TMEM132C: variants seen among roughly 807,000 people sequenced by gnomAD.
TMEM132C encodes the protein protein phosphatase 1, regulatory subunit 152.
Under a neutral mutation model 61.4 loss-of-function variants are expected in TMEM132C, and 29 were observed. The ratio of observed to expected loss-of-function variants is 0.47; its 90% CI spans 0.35 to 0.64. The LOEUF (loss-of-function observed/expected upper bound fraction) is 0.64, where lower values mean the gene tolerates loss of function less well. Among genes scored for constraint, TMEM132C ranks in the 30% least tolerant of loss-of-function variants. TMEM132C has a pLI of 0.00. For missense variants in TMEM132C, 1,408 were observed against 1,476.9 expected, an observed-to-expected ratio of 0.95 and a Z score of 0.76; for synonymous variants, 656 against 633.1, an observed-to-expected ratio of 1.04 and a Z score of -0.54.
chr12:128,366,188 CG>C (rs1233656294), intron 1 of TMEM132C, among the ~76,000 whole-genome samples: 1 of 152,208 alleles, frequency 6.6e-6, no homozygotes, highest in Non-Finnish European at 1.5e-5. Context: ...CTGCCTGTGT[CG>C]CCCGCGGCTC....
At chr12:128,700,667 G>T (rs1178252829) in intron 8 of TMEM132C, among the ~76,000 whole-genome samples, 1 of 152,196 alleles carries the variant, frequency 6.6e-6, no homozygotes, top group Non-Finnish European at 1.5e-5. Flanking sequence ...CCTACAAATA[G>T]AGGGTAGTAG....
At chr12:128,595,063 C>T (rs1875898692) in intron 3 of TMEM132C, among the ~76,000 whole-genome samples, 2 of 152,302 alleles carry the variant, frequency 1.3e-5, no homozygotes, top group East Asian at 1.9e-4. Flanking sequence ...GATGGGTCAC[C>T]GCCATCGGTG....
chr12:128,493,566 A>G (rs1283905740), intron 2 of TMEM132C, among the ~76,000 whole-genome samples: 2 of 152,150 alleles, frequency 1.3e-5, no homozygotes, highest in Non-Finnish European at 2.9e-5. Flanking sequence ...GGTCCTTCAC[A>G]TCCCTTATAC....
rs566134077 is a variant in TMEM132C at position 128,693,353 on chromosome 12, C to T, written c.1450-476C>T. 1.5e-4 allele frequency among the ~76,000 whole-genome samples: 23 copies of T among 152,318 alleles called. No individual in the cohort carries two copies. In the South Asian group the frequency reaches 4.6e-3, roughly 30 times the overall value. On this transcript the variant is annotated intron_variant, in intron 5 of 8. Transcript: ENST00000435159. ...GGTGCTCACATCAAATTACTCAGCC[C>T]ACCCAGATTTCAGCTACAGCTGCAG...
At chr12:128,616,081 G>T (rs915784875) in intron 3 of TMEM132C, 71 bp from the exon 4 acceptor site, 5 of 1,481,682 alleles carry the variant, frequency 3.4e-6, no homozygotes, top group Middle Eastern at 1.8e-4. Context: ...TATCTTCTGC[G>T]TACTATTATG....
At chr12:128,305,297 G>T (rs1007237507) in intron 1 of TMEM132C, among the ~76,000 whole-genome samples, 1 of 152,098 alleles carries the variant, frequency 6.6e-6, no homozygotes, top group Non-Finnish European at 1.5e-5. Context: ...AGAAAGGATT[G>T]CATGTGATAC....
chr12:128,574,350 G>A (rs970569355), intron 3 of TMEM132C, among the ~76,000 whole-genome samples: 13 of 152,200 alleles, frequency 8.5e-5, no homozygotes, highest in African/African-American at 2.4e-4. Flanking sequence ...GCTACATGCC[G>A]GGTACTGGCT....
chr12:128,345,546 C>A (rs1873132565), intron 1 of TMEM132C, among the ~76,000 whole-genome samples: 1 of 152,192 alleles, frequency 6.6e-6, no homozygotes. Flanking sequence ...TATCAGCATT[C>A]TTTCTTCTCC....
intron 4 of TMEM132C, among the ~76,000 whole-genome samples, chr12:128,664,151 C>T (rs1954432437): frequency 6.8e-6 from 1 of 148,100 alleles, no homozygotes; most frequent in African/African-American, 2.6e-5. Context: ...GGCACACACA[C>T]ATGCGCACAG....
chr12:128,643,454 G>A (rs991947952), intron 4 of TMEM132C, among the ~76,000 whole-genome samples: 3 of 151,868 alleles, frequency 2.0e-5, no homozygotes, highest in African/African-American at 7.3e-5. Flanking sequence ...CGAAACCTCG[G>A]CTGAGGAACT....
chr12:128,374,878 G>A (rs57838722), intron 1 of TMEM132C, among the ~76,000 whole-genome samples: 107,342 of 145,764 alleles, frequency 0.74, 42,347 homozygotes, highest in Non-Finnish European at 0.88. Context: ...CCGAGATTGC[G>A]CCACTGCACT....
At chr12:128,571,204 T>C (rs973774107) in intron 3 of TMEM132C, among the ~76,000 whole-genome samples, 2 of 152,182 alleles carry the variant, frequency 1.3e-5, no homozygotes, top group African/African-American at 2.4e-5. Flanking sequence ...CTTGATGACA[T>C]TGCGGAGTCA....
At chr12:128,405,329 G>A (rs116577279) in intron 1 of TMEM132C, among the ~76,000 whole-genome samples, 2,318 of 152,218 alleles carry the variant, frequency 0.015, 62 homozygotes, top group African/African-American at 0.052. Flanking sequence ...TTTAGGGAGC[G>A]TACAGGGTGC....
At chr12:128,610,339 G>A (rs368375492) in intron 3 of TMEM132C, among the ~76,000 whole-genome samples, 24 of 152,316 alleles carry the variant, frequency 1.6e-4, no homozygotes, top group Middle Eastern at 3.4e-3. Flanking sequence ...GTAGTAGGGA[G>A]GTAAAGCCCT....
chr12:128,330,293 T>G lies in TMEM132C; in HGVS notation c.85+62806T>G, dbSNP rs138491332. On this transcript the variant is annotated intron_variant, in intron 1 of 8. Coordinates refer to ENST00000435159, the MANE Select transcript of TMEM132C (RefSeq NM_001136103.3). ...CTGTTGCCATGGCCAACAATTTGATTGAGTAAACTAATGTGATTTGAAAAT... is the reference window on the plus strand; with the variant it reads ...CTGTTGCCATGGCCAACAATTTGATGGAGTAAACTAATGTGATTTGAAAAT... Among the ~76,000 whole-genome samples the G allele has an allele frequency of 2.5e-3, 374 of 152,352 alleles. 3 individuals carry two copies. The highest frequency in any genetic ancestry group is 0.01 in the Middle Eastern group (3 of 294).
chr12:128,344,181 G>A (rs1449447244), intron 1 of TMEM132C, among the ~76,000 whole-genome samples: 5 of 151,788 alleles, frequency 3.3e-5, no homozygotes, highest in East Asian at 3.9e-4. Context: ...TTTTTGAGAC[G>A]GAGTCTTGCT....
intron 2 of TMEM132C, among the ~76,000 whole-genome samples, chr12:128,451,854 C>T (rs181625716): frequency 6.6e-6 from 1 of 151,836 alleles, no homozygotes; most frequent in Admixed American, 6.6e-5. Flanking sequence ...CAAGAGTGAG[C>T]AGAACAGACA....
chr12:128,359,722 C>T (rs532023334), intron 1 of TMEM132C, among the ~76,000 whole-genome samples: 1 of 152,188 alleles, frequency 6.6e-6, no homozygotes, highest in East Asian at 1.9e-4. Flanking sequence ...GTGAGTGTGG[C>T]GTCTAGATAA....
At chr12:128,267,535 G>A (rs1425520582) in intron 1 of TMEM132C, 48 bp downstream of exon 1, 3 of 1,217,870 alleles carry the variant, frequency 2.5e-6, no homozygotes, top group African/African-American at 3.2e-5. Flanking sequence ...CGAACTTCCC[G>A]GTTCCGGGGG....
Sources: allele counts gnomAD v4.1 joint callset (sites outside exome capture counted in the v4.1 genomes callset), GRCh38; gene constraint gnomAD v4.1.1; transcripts MANE v1.5; gene names NCBI Gene and HGNC (gene_info 2026-07-23, HGNC 2026-07-21).